ASAP1: variants seen among roughly 807,000 people sequenced by gnomAD.
ASAP1 encodes arf-GAP with SH3 domain, ANK repeat and PH domain-containing protein 1.
A neutral mutation model predicts 145.2 loss-of-function variants in ASAP1; 43 were observed. The ratio of observed to expected loss-of-function variants is 0.30; its 90% CI spans 0.23 to 0.38. ASAP1 has a LOEUF of 0.38. ASAP1 is among the 10% of genes least tolerant of loss of function. The pLI, the probability that ASAP1 is intolerant of heterozygous loss-of-function variation, is 1.00. For missense variants in ASAP1, 1,018 were observed against 1,355.3 expected, an observed-to-expected ratio of 0.75 and a Z score of 3.91; for synonymous variants, 546 against 515.5, an observed-to-expected ratio of 1.06 and a Z score of -0.80.
At chr8:130,162,634 C>T (rs1167174302) in intron 11 of ASAP1, among the ~76,000 whole-genome samples, 7 of 151,634 alleles carry the variant, frequency 4.6e-5, no homozygotes, top group African/African-American at 7.3e-5. Flanking sequence ...CTGGCTAACA[C>T]GGTGAAACCC....
intron 18 of ASAP1, among the ~76,000 whole-genome samples, 194 bp downstream of exon 18, chr8:130,123,819 C>T (rs570862075): frequency 4.0e-5 from 6 of 151,580 alleles, no homozygotes; most frequent in African/African-American, 7.3e-5. Flanking sequence ...TTAATAGAGA[C>T]GGGTTTCACC....
Position 130,182,032 on chromosome 8 carries a change from T to C in ASAP1, c.531-1152A>G, listed in dbSNP as rs1038017242. 6.4e-4 allele frequency among the ~76,000 whole-genome samples: 97 copies of C among 152,322 alleles called. 1 individual carries two copies. Among genetic ancestry groups the C allele is most frequent in the Non-Finnish European group, 4.4e-4 (30 of 68,024 alleles). ...TAAACCCAGTCGGGATTGACTCTAATACCCTAATGCTATTATATTTAAGAA... is the reference window on the plus strand; with the variant it reads ...TAAACCCAGTCGGGATTGACTCTAACACCCTAATGCTATTATATTTAAGAA... On this transcript the variant is annotated intron_variant, in intron 7 of 29. Transcript: ENST00000518721.
chr8:130,106,845 T>C (rs574136388), intron 24 of ASAP1, among the ~76,000 whole-genome samples: 2 of 152,312 alleles, frequency 1.3e-5, no homozygotes, highest in East Asian at 3.9e-4. Context: ...GAATACTCCC[T>C]AGTGGCCCCA....
rs1824169660 is a variant in ASAP1 at position 130,323,917 on chromosome 8, G to A, written c.186+34100C>T. Among the ~76,000 whole-genome samples the A allele has an allele frequency of 2.0e-5, 3 of 152,204 alleles. No individual in the cohort carries two copies. The South Asian group carries it at 6.2e-4, about 32-fold the overall frequency. On this transcript the variant is annotated intron_variant, in intron 3 of 29. Coordinates refer to ENST00000518721, the MANE Select transcript of ASAP1 (RefSeq NM_018482.4). ...AATAAATACCCAGAAACAAAAAGAT[G>A]CAGATGCAGGAGCAATTGTCCTTTC...
At chr8:130,273,300 T>G (rs189849176) in intron 3 of ASAP1, among the ~76,000 whole-genome samples, 1 of 152,204 alleles carries the variant, frequency 6.6e-6, no homozygotes, top group Admixed American at 6.5e-5. Flanking sequence ...CTCTTTCCTT[T>G]CTGAGGAAGG....
At chr8:130,222,838 T>C (rs1224406075) in intron 4 of ASAP1, among the ~76,000 whole-genome samples, 1 of 152,192 alleles carries the variant, frequency 6.6e-6, no homozygotes, top group African/African-American at 2.4e-5. Context: ...TAAGAAGCAG[T>C]AGTGACAGGC....
chr8:130,362,407 G>A (rs1826762043), intron 2 of ASAP1, among the ~76,000 whole-genome samples: 6 of 152,306 alleles, frequency 3.9e-5, no homozygotes. Flanking sequence ...ACATGGACCT[G>A]AGCTTAAAAC....
chr8:130,276,720 A>ACTCTCTCTCT (rs1263231372), intron 3 of ASAP1, among the ~76,000 whole-genome samples: 49 of 117,544 alleles, frequency 4.2e-4, no homozygotes, highest in African/African-American at 1.4e-3. Context: ...ACACACACAC[A>ACTCTCTCTCT]CACACACACT....
intron 11 of ASAP1, 177 bp downstream of exon 11, chr8:130,167,359 C>A: frequency 1.3e-6 from 1 of 746,668 alleles, no homozygotes; most frequent in African/African-American, 1.7e-5. Context: ...CCCAGAACAT[C>A]TTTCCTATAA....
chr8:130,417,212 AC>A (rs1276990091), intron 1 of ASAP1, among the ~76,000 whole-genome samples: 1 of 151,882 alleles, frequency 6.6e-6, no homozygotes, highest in Non-Finnish European at 1.5e-5. Context: ...ACAGAAAACA[AC>A]CCACGTACAA....
chr8:130,257,196 C>A (rs930564287), intron 3 of ASAP1, among the ~76,000 whole-genome samples: 1 of 152,082 alleles, frequency 6.6e-6, no homozygotes, highest in African/African-American at 2.4e-5. Flanking sequence ...TCTTTTATTT[C>A]TTTAAAAATA....
chr8:130,241,369 G>A (rs142820493), intron 3 of ASAP1, among the ~76,000 whole-genome samples: 5 of 152,142 alleles, frequency 3.3e-5, no homozygotes, highest in South Asian at 4.1e-4. Flanking sequence ...TTGCTTTTAC[G>A]GTATTTTTCT....
At chr8:130,274,809 C>G (rs1332738815) in intron 3 of ASAP1, among the ~76,000 whole-genome samples, 3 of 152,194 alleles carry the variant, frequency 2.0e-5, no homozygotes, top group African/African-American at 7.2e-5. Context: ...TAAAGCCTTC[C>G]TGAATACCAC....
intron 25 of ASAP1, among the ~76,000 whole-genome samples, chr8:130,085,738 GA>G (rs10690482): frequency 0.012 from 1,458 of 125,384 alleles, 15 homozygotes; most frequent in Non-Finnish European, 0.017. Context: ...TTGTCTTTAA[GA>G]AAAAAAAAAA....
At chr8:130,075,477 G>A (rs2097460252) in intron 27 of ASAP1, among the ~76,000 whole-genome samples, 1 of 152,178 alleles carries the variant, frequency 6.6e-6, no homozygotes, top group African/African-American at 2.4e-5. Flanking sequence ...CTAGACTGGG[G>A]TCACAAATCT....
intron 24 of ASAP1, among the ~76,000 whole-genome samples, chr8:130,093,168 T>C (rs11782883): frequency 0.057 from 8,615 of 152,214 alleles, 327 homozygotes; most frequent in Middle Eastern, 0.082. Flanking sequence ...GATAGTAATA[T>C]TCCACATACA....
At chr8:130,097,162 G>A (rs372407691) in intron 24 of ASAP1, among the ~76,000 whole-genome samples, 323 of 59,556 alleles carry the variant, frequency 5.4e-3, no homozygotes, top group South Asian at 9.5e-3. Flanking sequence ...AAAAAAAAAA[G>A]TCCTTGAAAA....
At chr8:130,113,018 C>T (rs920640215) in intron 23 of ASAP1, among the ~76,000 whole-genome samples, 1 of 152,228 alleles carries the variant, frequency 6.6e-6, no homozygotes, top group African/African-American at 2.4e-5. Context: ...CACCAGCTCC[C>T]ACTGCAGCTC....
chr8:130,351,479 A>C (rs1199259930), intron 3 of ASAP1, among the ~76,000 whole-genome samples: 1 of 152,172 alleles, frequency 6.6e-6, no homozygotes, highest in Non-Finnish European at 1.5e-5. Flanking sequence ...TGTTGTTATA[A>C]AGGAATATCT....
Sources: gnomAD v4.1 joint callset for allele counts (sites outside exome capture counted in the v4.1 genomes callset) on GRCh38, gnomAD v4.1.1 for gene constraint, MANE v1.5 for transcripts, NCBI Gene and HGNC (gene_info 2026-07-23, HGNC 2026-07-21) for gene names.